The following CDH12 variants were observed in gnomAD, a reference collection of about 807,000 sequenced individuals.
The protein encoded by CDH12 is cadherin-12.
Under a neutral mutation model 74.1 loss-of-function variants are expected in CDH12, and 41 were observed. The ratio of observed to expected loss-of-function variants is 0.55; its 90% confidence interval spans 0.43 to 0.72. CDH12 has a LOEUF of 0.72. Among genes scored for constraint, CDH12 ranks in the 30% least tolerant of loss-of-function variants. The pLI is 0.00. For missense variants in CDH12, 945 were observed against 977.2 expected, an observed-to-expected ratio of 0.97 and a Z score of 0.44; for synonymous variants, 399 against 355.0, an observed-to-expected ratio of 1.12 and a Z score of -1.39.
At chr5:22,323,064 C>T (rs1738950076) in intron 3 of CDH12, among the ~76,000 whole-genome samples, 4 of 152,054 alleles carry the variant, frequency 2.6e-5, no homozygotes, top group Non-Finnish European at 5.9e-5. Context: ...GAGAAAATTG[C>T]TTGCTGTAAT....
chr5:22,584,628 A>T (rs1471277732), intron 1 of CDH12, among the ~76,000 whole-genome samples: 3 of 152,154 alleles, frequency 2.0e-5, no homozygotes, highest in African/African-American at 7.2e-5. Context: ...ATTTCTAGAA[A>T]TAGTAATGGC....
At chr5:22,377,757 T>C (rs77762738) in intron 3 of CDH12, among the ~76,000 whole-genome samples, 1,824 of 152,256 alleles carry the variant, frequency 0.012, 38 homozygotes, top group African/African-American at 0.04. Context: ...AACACATGTA[T>C]CATATCTTTT....
At chr5:22,578,588 A>G (rs897482564) in intron 1 of CDH12, among the ~76,000 whole-genome samples, 2 of 152,142 alleles carry the variant, frequency 1.3e-5, no homozygotes, top group African/African-American at 2.4e-5. Context: ...TAATAAATGT[A>G]CTAGTTTCCA....
intron 8 of CDH12, among the ~76,000 whole-genome samples, chr5:21,831,320 C>A (rs1749008920): frequency 6.6e-6 from 1 of 152,042 alleles, no homozygotes; most frequent in South Asian, 2.1e-4. Context: ...AGTTTCTGGC[C>A]CCATCTCTCA....
At chr5:21,930,410 C>T (rs1228817300) in intron 6 of CDH12, among the ~76,000 whole-genome samples, 1 of 152,140 alleles carries the variant, frequency 6.6e-6, no homozygotes, top group Non-Finnish European at 1.5e-5. Flanking sequence ...AAAGTGTAAT[C>T]TTAGTAATAC....
At chr5:22,352,332 CT>C (rs545329689) in intron 3 of CDH12, among the ~76,000 whole-genome samples, 3 of 151,770 alleles carry the variant, frequency 2.0e-5, no homozygotes, top group Non-Finnish European at 2.9e-5. Context: ...TATCCCTGAC[CT>C]TTTTTTTCTT....
chr5:21,755,050 A>C (rs947088666), intron 14 of CDH12, among the ~76,000 whole-genome samples: 3 of 152,218 alleles, frequency 2.0e-5, no homozygotes, highest in African/African-American at 7.2e-5. Context: ...TGGAAGAATT[A>C]CTTATGGATG....
At chr5:21,890,701 C>T (rs1752857192) in intron 6 of CDH12, among the ~76,000 whole-genome samples, 1 of 151,960 alleles carries the variant, frequency 6.6e-6, no homozygotes, top group Non-Finnish European at 1.5e-5. Context: ...GGCTTTGCAG[C>T]AGAGATGTAT....
intron 6 of CDH12, among the ~76,000 whole-genome samples, chr5:21,908,354 A>G (rs1000190717): frequency 6.6e-6 from 1 of 152,144 alleles, no homozygotes; most frequent in Admixed American, 6.6e-5. Flanking sequence ...AGAATAGGCA[A>G]TTATTCTCAT....
chr5:22,357,962 T>C (rs1339714008), intron 3 of CDH12, among the ~76,000 whole-genome samples: 1 of 152,212 alleles, frequency 6.6e-6, no homozygotes, highest in African/African-American at 2.4e-5. Flanking sequence ...ATTTAATGTA[T>C]ATCTCATTAA....
At chr5:22,117,482 ATATATATT>A (rs1745214676) in intron 4 of CDH12, among the ~76,000 whole-genome samples, 21 of 48,060 alleles carry the variant, frequency 4.4e-4, no homozygotes, top group Non-Finnish European at 2.3e-4. Context: ...TATATATTAT[ATATATATT>A]ATATATATAT....
intron 5 of CDH12, among the ~76,000 whole-genome samples, chr5:21,997,042 A>G (rs537076146): frequency 3.4e-4 from 52 of 152,288 alleles, no homozygotes; most frequent in African/African-American, 1.2e-3. Context: ...TAATTGCTAT[A>G]GACCTATGAA....
At chr5:22,427,010 TCTTTTCTCTTCCCCTCTTTCCTTCACCA>T (rs1477977051) in intron 2 of CDH12, among the ~76,000 whole-genome samples, 3 of 152,108 alleles carry the variant, frequency 2.0e-5, no homozygotes. Context: ...CTCCCATTTA[TCTTTTCTCTTCCCCTCTTTCCTTCACCA>T]CTTTTCTCTC....
chr5:22,661,605 A>C (rs1052016473), intron 1 of CDH12, among the ~76,000 whole-genome samples: 1 of 152,154 alleles, frequency 6.6e-6, no homozygotes, highest in African/African-American at 2.4e-5. Context: ...TTTCAATGGT[A>C]AGATTTTTAC....
chr5:22,567,488 G>A (rs1448236954), intron 1 of CDH12, among the ~76,000 whole-genome samples: 1 of 152,164 alleles, frequency 6.6e-6, no homozygotes, highest in African/African-American at 2.4e-5. Flanking sequence ...GTTTTCCCGT[G>A]TCTTTCAAGA....
At chr5:22,679,367 A>C (rs1339103366) in intron 1 of CDH12, among the ~76,000 whole-genome samples, 1 of 152,106 alleles carries the variant, frequency 6.6e-6, no homozygotes, top group Non-Finnish European at 1.5e-5. Flanking sequence ...TCTTCCTCTA[A>C]AGAGGATGCA....
At position 22,523,428 on chromosome 5, in the gene CDH12, C is replaced by T. The variant is rs186382887; in HGVS notation, c.-522-18064G>A. Among the ~76,000 whole-genome samples, 45 of 152,284 alleles carry T rather than the reference C, an allele frequency of 3.0e-4. No homozygotes were observed. The East Asian group carries it at 3.1e-3, about 10-fold the overall frequency. On this transcript the variant is annotated intron_variant, in intron 1 of 14. Coordinates refer to ENST00000382254, the MANE Select transcript of CDH12 (RefSeq NM_004061.5). ...AGCTGGTCCAGAACAAACTCATGCA[C>T]ATCCACTAGAGAATGCATTTTTTTA... is the stretch of plus-strand genomic sequence containing the variant.
At chr5:22,531,944 G>A (rs974938779) in intron 1 of CDH12, among the ~76,000 whole-genome samples, 1 of 152,126 alleles carries the variant, frequency 6.6e-6, no homozygotes, top group Non-Finnish European at 1.5e-5. Context: ...CTGGACTGTG[G>A]TTCACCAGGC....
chr5:21,851,656 G>A (rs924222511), intron 7 of CDH12, among the ~76,000 whole-genome samples: 34 of 151,256 alleles, frequency 2.2e-4, no homozygotes, highest in African/African-American at 8.2e-4. Flanking sequence ...TTATTTCATA[G>A]TTAAGGCAAA....
Sources: gnomAD v4.1 joint callset for allele counts (sites outside exome capture counted in the v4.1 genomes callset) on GRCh38, gnomAD v4.1.1 for gene constraint, MANE v1.5 for transcripts, NCBI Gene and HGNC (gene_info 2026-07-23, HGNC 2026-07-21) for gene names.